The following MEOX2 variants were observed in gnomAD, a reference collection of about 807,000 sequenced individuals.
The protein encoded by MEOX2 is homeobox protein MOX-2.
MEOX2 carries 11 observed loss-of-function variants against 27.0 expected under a neutral mutation model. That is an observed-to-expected ratio of 0.41 (90% CI 0.26 to 0.68). The LOEUF is 0.68. Ranked by LOEUF, MEOX2 falls within the 30% of genes least tolerant of loss-of-function variation. The pLI is 0.33. For missense variants in MEOX2, 436 were observed against 385.4 expected (o/e 1.13, Z -1.10); for synonymous variants, 189 against 155.4 (o/e 1.22, Z -1.61).
intron 1 of MEOX2, chr7:15,680,284 T>C (rs1388955054): frequency 6.6e-6 from 1 of 151,970 alleles, no homozygotes. Flanking sequence ...TTGATTATTT[T>C]GTATCATAAA....
At chr7:15,633,798 G>A (rs1781439600) in intron 1 of MEOX2, among the ~76,000 whole-genome samples, 1 of 151,772 alleles carries the variant, frequency 6.6e-6, no homozygotes, top group African/African-American at 2.4e-5. Context: ...GGTAACTTAT[G>A]AGTATGAATT....
At chr7:15,652,139 T>C (rs1011741719) in intron 1 of MEOX2, among the ~76,000 whole-genome samples, 2 of 152,082 alleles carry the variant, frequency 1.3e-5, no homozygotes, top group African/African-American at 2.4e-5. Context: ...CAGCAATTAA[T>C]TCATTTTCGT....
At chr7:15,673,234 A>G (rs531064016) in intron 1 of MEOX2, among the ~76,000 whole-genome samples, 5 of 152,306 alleles carry the variant, frequency 3.3e-5, no homozygotes, top group Non-Finnish European at 7.4e-5. Context: ...AACCAGAGAC[A>G]TGTGAACTAG....
intron 1 of MEOX2, among the ~76,000 whole-genome samples, chr7:15,658,777 T>C (rs1290927522): frequency 1.3e-5 from 2 of 152,150 alleles, no homozygotes; most frequent in African/African-American, 4.8e-5. Context: ...AGAAACCATA[T>C]GCAAATCAGG....
At chr7:15,622,423 C>T (rs1781235146) in intron 2 of MEOX2, among the ~76,000 whole-genome samples, 1 of 151,860 alleles carries the variant, frequency 6.6e-6, no homozygotes, top group Admixed American at 6.6e-5. Context: ...TTTCAAAAGA[C>T]CTTGACAATG....
At chr7:15,619,308 T>C (rs1057240116) in intron 2 of MEOX2, among the ~76,000 whole-genome samples, 1 of 152,014 alleles carries the variant, frequency 6.6e-6, no homozygotes, top group African/African-American at 2.4e-5. Flanking sequence ...TGATCTTTCA[T>C]AGCAGAAGTC....
At position 15,686,182 on chromosome 7, in the gene MEOX2, T is replaced by C. The variant is rs1283904472; in HGVS notation, c.221A>G (p.His74Arg). Residue 74 changes from histidine to arginine, a missense_variant, in exon 1 of 3, where the codon CAC (histidine) becomes CGC (arginine). Transcript: ENST00000262041. ...HHRGHHHHHH[H>R]HHHHHHQQQQ... Reference sequence around the variant, plus strand: ...CTGCTGATGGTGGTGATGGTGGTGGTGGTGGTGGTGGTGGTGGTGCCCCCT... The same window carrying C: ...CTGCTGATGGTGGTGATGGTGGTGGCGGTGGTGGTGGTGGTGGTGCCCCCT... 1 of 1,584,148 alleles carries C rather than the reference T, an allele frequency of 6.3e-7. No homozygotes were observed. The highest frequency in any genetic ancestry group is 1.8e-5 in the Admixed American group (1 of 57,122).
At chr7:15,626,539 C>G (rs1229431735) in intron 2 of MEOX2, among the ~76,000 whole-genome samples, 3 of 151,788 alleles carry the variant, frequency 2.0e-5, no homozygotes, top group Non-Finnish European at 4.4e-5. Context: ...ATTCTTTCTT[C>G]AACTCAATAA....
chr7:15,686,131 T>G lies in MEOX2; in HGVS notation c.272A>C (p.Asn91Thr). Reference protein sequence around the residue: ...QQQQHQALQTNWHLPQMSSPP... With the variant: ...QQQQHQALQTTWHLPQMSSPP... Reference sequence around the variant, plus strand: ...GGAAGACATCTGCGGGAGGTGCCAGTTGGTTTGCAGAGCCTGGTGCTGCTG... The same window carrying G: ...GGAAGACATCTGCGGGAGGTGCCAGGTGGTTTGCAGAGCCTGGTGCTGCTG... The change falls in exon 1 of 3, where the codon AAC becomes ACC. Residue 91 changes from asparagine (N) to threonine (T), a missense_variant. Coordinates refer to ENST00000262041, the MANE Select transcript of MEOX2 (RefSeq NM_005924.5). 1 of 1,583,548 alleles carries G rather than the reference T, an allele frequency of 6.3e-7. No individual in the cohort carries two copies.
At chr7:15,619,028 T>C (rs1242082739) in intron 2 of MEOX2, among the ~76,000 whole-genome samples, 2 of 151,948 alleles carry the variant, frequency 1.3e-5, no homozygotes, top group Non-Finnish European at 2.9e-5. Context: ...TGGAGAATAA[T>C]TGGTACAAAG....
chr7:15,613,001 C>T (rs943004650), intron 2 of MEOX2, among the ~76,000 whole-genome samples: 9 of 152,320 alleles, frequency 5.9e-5, no homozygotes, highest in Admixed American at 4.6e-4. Context: ...TGACATCCAG[C>T]TGTCATTTCC....
At chr7:15,660,723 T>C (rs917232531) in intron 1 of MEOX2, among the ~76,000 whole-genome samples, 2 of 152,084 alleles carry the variant, frequency 1.3e-5, no homozygotes, top group Non-Finnish European at 2.9e-5. Context: ...TCACCATTGC[T>C]TTAAAAATGA....
At chr7:15,647,019 A>ATTAC (rs1781661518) in intron 1 of MEOX2, among the ~76,000 whole-genome samples, 1 of 152,016 alleles carries the variant, frequency 6.6e-6, no homozygotes, top group Non-Finnish European at 1.5e-5. Flanking sequence ...TATAGTAAGT[A>ATTAC]TATATTTATT....
chr7:15,677,488 G>A (rs1304777278), intron 1 of MEOX2: 1 of 152,166 alleles, frequency 6.6e-6, no homozygotes, highest in Non-Finnish European at 1.5e-5. Context: ...ACCCTCCGGG[G>A]TTCTGGCTTC....
chr7:15,640,892 A>T (rs1781549151), intron 1 of MEOX2, among the ~76,000 whole-genome samples: 2 of 152,118 alleles, frequency 1.3e-5, no homozygotes, highest in South Asian at 4.1e-4. Context: ...AACGTGATGA[A>T]TTATCTTTTT....
At chr7:15,621,680 G>T (rs770127363) in intron 2 of MEOX2, among the ~76,000 whole-genome samples, 18 of 152,162 alleles carry the variant, frequency 1.2e-4, no homozygotes, top group Non-Finnish European at 2.1e-4. Flanking sequence ...ATATAAGTAA[G>T]GTAGGGGTAG....
At chr7:15,648,268 G>A (rs1452280411) in intron 1 of MEOX2, among the ~76,000 whole-genome samples, 1 of 152,036 alleles carries the variant, frequency 6.6e-6, no homozygotes, top group Non-Finnish European at 1.5e-5. Flanking sequence ...AAGTAAAACT[G>A]AATGAGCATT....
chr7:15,636,508 G>A (rs954905915), intron 1 of MEOX2, among the ~76,000 whole-genome samples: 6 of 151,980 alleles, frequency 3.9e-5, no homozygotes, highest in Non-Finnish European at 2.9e-5. Context: ...TTACATGATT[G>A]TAGCTGTATT....
At chr7:15,682,805 G>T (rs570671997) in intron 1 of MEOX2, among the ~76,000 whole-genome samples, 2 of 151,792 alleles carry the variant, frequency 1.3e-5, no homozygotes, top group Non-Finnish European at 2.9e-5. Flanking sequence ...TTTTTCAGCA[G>T]TTGTAAAGTT....
Sources: allele counts gnomAD v4.1 joint callset (sites outside exome capture counted in the v4.1 genomes callset), GRCh38; gene constraint gnomAD v4.1.1; transcripts MANE v1.5; gene names NCBI Gene and HGNC (gene_info 2026-07-23, HGNC 2026-07-21).